NUP155: variants seen among roughly 807,000 people sequenced by gnomAD.
The protein encoded by NUP155 is nucleoporin 155.
Under a neutral mutation model 180.4 loss-of-function variants are expected in NUP155, and 71 were observed. The ratio of observed to expected loss-of-function variants is 0.39; its 90% CI spans 0.33 to 0.48. The LOEUF (loss-of-function observed/expected upper bound fraction) is 0.48, where lower values mean the gene tolerates loss of function less well. Ranked by LOEUF, NUP155 falls within the 20% of genes least tolerant of loss-of-function variation. NUP155 has a pLI of 0.91. For synonymous variants in NUP155, 582 were observed against 559.5 expected, an observed-to-expected ratio of 1.04 and a Z score of -0.57; for missense variants, 1,553 against 1,648.9, an observed-to-expected ratio of 0.94 and a Z score of 1.01.
At chr5:37,303,934 G>A (rs1743003530) in intron 27 of NUP155, among the ~76,000 whole-genome samples, 1 of 151,476 alleles carries the variant, frequency 6.6e-6, no homozygotes, top group Admixed American at 6.6e-5. Context: ...GCTACAGATT[G>A]AGACCCTGCC....
chr5:37,343,195 C>A (rs1400203878), intron 9 of NUP155, among the ~76,000 whole-genome samples: 1 of 152,158 alleles, frequency 6.6e-6, no homozygotes, highest in Non-Finnish European at 1.5e-5. Context: ...CTGCCTCAGC[C>A]TCCCAAGTAG....
chr5:37,333,163 T>C (rs1581172861), intron 13 of NUP155, among the ~76,000 whole-genome samples: 1 of 151,602 alleles, frequency 6.6e-6, no homozygotes, highest in African/African-American at 2.4e-5. Context: ...AAGACCAGCC[T>C]GGCCAACATG....
chr5:37,346,849 T>G (rs1320884581), intron 9 of NUP155, among the ~76,000 whole-genome samples: 1 of 152,128 alleles, frequency 6.6e-6, no homozygotes, highest in African/African-American at 2.4e-5. Flanking sequence ...ATGAATAAAA[T>G]GGGTACTACA....
At chr5:37,355,292 G>A (rs1746741440) in intron 4 of NUP155, among the ~76,000 whole-genome samples, 1 of 152,016 alleles carries the variant, frequency 6.6e-6, no homozygotes, top group South Asian at 2.1e-4. Flanking sequence ...CGGATCGCTT[G>A]AGGCCAGGTG....
intron 20 of NUP155, among the ~76,000 whole-genome samples, chr5:37,321,260 C>T (rs191311920): frequency 2.6e-5 from 4 of 152,196 alleles, no homozygotes; most frequent in East Asian, 3.9e-4. Context: ...GCAGGAGAAT[C>T]GCTTGAGCCA....
chr5:37,350,256 C>T lies in NUP155; in HGVS notation c.733G>A (p.Gly245Arg). 1 of 1,612,344 alleles carries T rather than the reference C, an allele frequency of 6.2e-7. No individual in the cohort carries two copies. The highest frequency in any genetic ancestry group is 8.5e-7 in the Non-Finnish European group (1 of 1,178,606). The change falls in exon 7 of 35, where the codon GGG (glycine) becomes AGG (arginine). Residue 245 changes from glycine to arginine, a missense_variant. By Grantham distance (125) the Gly-to-Arg change is moderately radical. Transcript: ENST00000231498. ...TTCCTACATCTTTGGCTAAACCACC[C>T]TGCTTCAGCCTTAAAGAAAAAAGTA... is the stretch of plus-strand genomic sequence containing the variant. ...LYEVAYQAEA[G>R]WFSQRCRKIN...
At chr5:37,306,786 C>T (rs1475370023) in intron 25 of NUP155, among the ~76,000 whole-genome samples, 2 of 151,534 alleles carry the variant, frequency 1.3e-5, no homozygotes, top group East Asian at 3.9e-4. Flanking sequence ...TAAGGACACA[C>T]ATTTCCTTTT....
chr5:37,344,787 G>A (rs1745967459), intron 9 of NUP155, among the ~76,000 whole-genome samples: 1 of 151,392 alleles, frequency 6.6e-6, no homozygotes, highest in Non-Finnish European at 1.5e-5. Context: ...CAGGAGAACT[G>A]CTTGAACCCG....
At chr5:37,303,790 A>C (rs2150943314) in intron 27 of NUP155, among the ~76,000 whole-genome samples, 1 of 151,244 alleles carries the variant, frequency 6.6e-6, no homozygotes, top group South Asian at 2.1e-4. Context: ...TCTACAAAAA[A>C]ATTAGCTGGG....
At chr5:37,304,464 TTAAGA>T (rs1220321351) in intron 27 of NUP155, among the ~76,000 whole-genome samples, 1 of 151,770 alleles carries the variant, frequency 6.6e-6, no homozygotes, top group Non-Finnish European at 1.5e-5. Context: ...AACAGCAGAG[TTAAGA>T]TAAGATGACC....
chr5:37,312,476 C>G (rs1743590375), intron 22 of NUP155, among the ~76,000 whole-genome samples: 1 of 152,020 alleles, frequency 6.6e-6, no homozygotes, highest in Admixed American at 6.6e-5. Context: ...GAAGGAAAGA[C>G]TGCTTTAGAC....
At chr5:37,292,061 T>C (rs369826567) in intron 34 of NUP155, 23 bp from the exon 35 acceptor site, 411 of 1,612,970 alleles carry the variant, frequency 2.5e-4, no homozygotes, top group Non-Finnish European at 3.2e-4. Flanking sequence ...AGACACATGA[T>C]TAATTATACA....
At chr5:37,303,093 A>G (rs1256810928) in intron 28 of NUP155, among the ~76,000 whole-genome samples, 167 bp downstream of exon 28, 1 of 152,238 alleles carries the variant, frequency 6.6e-6, no homozygotes, top group Non-Finnish European at 1.5e-5. Context: ...CCACAATTTT[A>G]GACAACACAT....
intron 16 of NUP155, 46 bp from the exon 17 acceptor site, chr5:37,328,466 A>C: frequency 9.4e-5 from 125 of 1,324,658 alleles, no homozygotes; most frequent in Non-Finnish European, 1.2e-4. Flanking sequence ...AGAACATCTC[A>C]ATCTTTTGAA....
At chr5:37,356,354 G>A (rs185522720) in intron 4 of NUP155, among the ~76,000 whole-genome samples, 11 of 151,950 alleles carry the variant, frequency 7.2e-5, no homozygotes, top group African/African-American at 2.4e-4. Flanking sequence ...GGGCTATCAG[G>A]ATTATGGCCA....
chr5:37,309,211 T>A lies in NUP155; in HGVS notation c.2685A>T (p.Arg895Ser). ...RQVQNKTEKE[R>S]MLRESLKEYQ... is the part of the protein sequence containing the mutation. ...ATTCCTTTAATGATTCCCTTAACAT[T>A]CTTTCTTTTTCAGTCTTATTTTGAA... Residue 895 changes from arginine to serine, a missense_variant, in exon 24 of 35, where the codon AGA becomes AGT. Arg to Ser is a moderately radical substitution (Grantham distance 110). Coordinates refer to ENST00000231498, the MANE Select transcript of NUP155 (RefSeq NM_153485.3). 2 of 1,613,638 alleles carry A rather than the reference T, an allele frequency of 1.2e-6. No individual in the cohort carries two copies. The highest frequency in any genetic ancestry group is 1.7e-6 in the Non-Finnish European group (2 of 1,179,802).
At chr5:37,337,188 C>A (rs1330795325) in intron 12 of NUP155, among the ~76,000 whole-genome samples, 1 of 152,074 alleles carries the variant, frequency 6.6e-6, no homozygotes, top group African/African-American at 2.4e-5. Flanking sequence ...GGTCCTCACC[C>A]AGGAAGACCA....
chr5:37,325,714 A>G (rs1201439834), intron 19 of NUP155, among the ~76,000 whole-genome samples, 187 bp downstream of exon 19: 2 of 144,212 alleles, frequency 1.4e-5, no homozygotes, highest in African/African-American at 5.2e-5. Flanking sequence ...GGTTGCAGTA[A>G]GCTGAGACTG....
intron 28 of NUP155, 149 bp downstream of exon 28, chr5:37,303,111 T>C: frequency 4.1e-6 from 4 of 983,826 alleles, no homozygotes; most frequent in South Asian, 3.1e-5. Context: ...CATAAAGAAA[T>C]ACATTTATGA....
Sources: allele counts gnomAD v4.1 joint callset (sites outside exome capture counted in the v4.1 genomes callset), GRCh38; gene constraint gnomAD v4.1.1; transcripts MANE v1.5; gene names NCBI Gene and HGNC (gene_info 2026-07-23, HGNC 2026-07-21).